Variants in GDA observed in about 807,000 individuals in gnomAD.
GDA encodes the protein cytoplasmic PSD-95 interactor.
GDA carries 18 observed loss-of-function variants against 59.6 expected under a neutral mutation model. That is an observed-to-expected ratio of 0.30 (90% CI 0.21 to 0.45). The LOEUF (loss-of-function observed/expected upper bound fraction) is 0.45, where lower values mean the gene tolerates loss of function less well. GDA is among the 20% of genes least tolerant of loss of function. GDA has a pLI of 1.00. For missense variants in GDA, 427 were observed against 552.3 expected, an observed-to-expected ratio of 0.77 and a Z score of 2.27; for synonymous variants, 201 against 201.1, an observed-to-expected ratio of 1.00 and a Z score of 0.00.
At chr9:72,124,914 A>ATCAG (rs1190795777) in intron 1 of GDA, among the ~76,000 whole-genome samples, 1 of 152,000 alleles carries the variant, frequency 6.6e-6, no homozygotes, top group East Asian at 1.9e-4. Context: ...GGCCCTGGTG[A>ATCAG]TCAGTCTTAT....
chr9:72,168,113 T>G (rs62561976), intron 1 of GDA, among the ~76,000 whole-genome samples: 24,775 of 151,978 alleles, frequency 0.16, 2,586 homozygotes, highest in East Asian at 0.5. Flanking sequence ...AGGAAAAGAT[T>G]GGGCAGGGTG....
At chr9:72,201,054 A>G (rs1199074476) in intron 2 of GDA, among the ~76,000 whole-genome samples, 1 of 152,166 alleles carries the variant, frequency 6.6e-6, no homozygotes, top group Non-Finnish European at 1.5e-5. Context: ...TTACATCATC[A>G]TCATCATCAT....
chr9:72,123,054 T>C (rs762508102), intron 1 of GDA, among the ~76,000 whole-genome samples: 4 of 152,204 alleles, frequency 2.6e-5, no homozygotes, highest in Non-Finnish European at 4.4e-5. Flanking sequence ...GCAGTATTTA[T>C]AAATTTTTTA....
At chr9:72,201,057 A>G (rs768816864) in intron 2 of GDA, among the ~76,000 whole-genome samples, 44 of 152,166 alleles carry the variant, frequency 2.9e-4, no homozygotes, top group Non-Finnish European at 5.3e-4. Context: ...CATCATCATC[A>G]TCATCATCCA....
intron 1 of GDA, 141 bp from the exon 2 acceptor site, chr9:72,195,359 T>A: frequency 5.3e-6 from 1 of 186,982 alleles, no homozygotes; most frequent in Non-Finnish European, 1.0e-5. Context: ...TTTTTTTGCC[T>A]CTAAACTCAA....
chr9:72,140,412 GAA>G (rs952909947), intron 1 of GDA, among the ~76,000 whole-genome samples: 5 of 152,284 alleles, frequency 3.3e-5, no homozygotes, highest in African/African-American at 1.2e-4. Context: ...GGCAGAGAGA[GAA>G]GTTGGGTGCT....
intron 5 of GDA, among the ~76,000 whole-genome samples, chr9:72,215,821 C>T (rs1398257788): frequency 6.6e-6 from 1 of 152,140 alleles, no homozygotes; most frequent in Non-Finnish European, 1.5e-5. Context: ...CAGATAGAAT[C>T]ATAAAAAGTA....
At chr9:72,141,162 C>T (rs1826427830) in intron 1 of GDA, among the ~76,000 whole-genome samples, 1 of 152,036 alleles carries the variant, frequency 6.6e-6, no homozygotes, top group African/African-American at 2.4e-5. Flanking sequence ...ATATGCCATT[C>T]CACAAAGAAT....
chr9:72,171,690 C>G (rs1284498897), intron 1 of GDA, among the ~76,000 whole-genome samples: 1 of 151,890 alleles, frequency 6.6e-6, no homozygotes, highest in African/African-American at 2.4e-5. Flanking sequence ...TCCCCTTTAA[C>G]CTTCATATTC....
chr9:72,213,975 A>T lies in GDA; in HGVS notation c.562A>T (p.Ile188Phe), dbSNP rs1186144996. 1 of 1,593,340 alleles carries T rather than the reference A, an allele frequency of 6.3e-7. No individual in the cohort carries two copies. The highest frequency in any genetic ancestry group is 8.6e-7 in the Non-Finnish European group (1 of 1,161,134). Reference protein sequence around the residue: ...PEYKETTEESIKETERFVSEM... With the variant: ...PEYKETTEESFKETERFVSEM... ...ATACAAGGAGACCACTGAGGAATCGATCAAGGAAACTGAGAGGTAAAAGGC... is the reference window on the plus strand; with the variant it reads ...ATACAAGGAGACCACTGAGGAATCGTTCAAGGAAACTGAGAGGTAAAAGGC... The change falls in exon 5 of 14, where the codon ATC (isoleucine) becomes TTC (phenylalanine). Residue 188 changes from isoleucine to phenylalanine, a missense_variant. Transcript: ENST00000358399.
At chr9:72,219,531 C>T in intron 6 of GDA, 25 bp downstream of exon 6, 2 of 1,569,016 alleles carry the variant, frequency 1.3e-6, no homozygotes, top group Non-Finnish European at 1.7e-6. Context: ...TCAGAGCTCG[C>T]TTTTAGATTG....
chr9:72,142,567 C>A (rs1252511077), intron 1 of GDA, among the ~76,000 whole-genome samples: 1 of 149,164 alleles, frequency 6.7e-6, no homozygotes, highest in Non-Finnish European at 1.5e-5. Flanking sequence ...AGCAAGACTC[C>A]ATCTCAAAAA....
intron 1 of GDA, among the ~76,000 whole-genome samples, chr9:72,137,238 T>C (rs1826263096): frequency 8.8e-6 from 1 of 113,958 alleles, no homozygotes; most frequent in Admixed American, 1.0e-4. Flanking sequence ...CCTTTTCTTT[T>C]TTTCTTTTTT....
Position 72,223,134 on chromosome 9 carries a change from G to GC in GDA, c.624dup (p.Ile209HisfsTer12). 1.3e-6 allele frequency: 2 copies of GC among 1,585,926 alleles called. No individual in the cohort carries two copies. The highest frequency in any genetic ancestry group is 1.7e-6 in the Non-Finnish European group (2 of 1,154,502). On this transcript the variant is annotated frameshift_variant, in exon 7 of 14. Transcript: ENST00000358399. LOFTEE classifies it high-confidence loss of function. ...ATTATCTCCAGTATTCTAGAGTGAA[G>GC]CCCATAGTGACACCACGTTTTTCCC...
upstream of GDA, chr9:72,149,439 C>A: frequency 1.7e-6 from 2 of 1,204,904 alleles, no homozygotes; most frequent in Non-Finnish European, 2.3e-6. Flanking sequence ...TAAGCGGGGG[C>A]AGGACAAGGC....
chr9:72,207,927 T>C (rs1207496157), intron 3 of GDA, among the ~76,000 whole-genome samples: 1 of 151,744 alleles, frequency 6.6e-6, no homozygotes, highest in African/African-American at 2.4e-5. Flanking sequence ...CTGGGCAACA[T>C]AGCAAGGGCT....
In GDA at chr9:72,160,783, C is replaced by T. The variant is rs1402923245; in HGVS notation, c.123+11101C>T. 3.3e-5 allele frequency among the ~76,000 whole-genome samples: 5 copies of T among 152,216 alleles called. No individual in the cohort carries two copies. The East Asian group carries it at 9.6e-4, about 29-fold the overall frequency. On this transcript the variant is annotated intron_variant, in intron 1 of 13. Coordinates refer to ENST00000358399, the MANE Select transcript of GDA (RefSeq NM_004293.5). ...ACCGTGTGATAAACCCAGGCCTGGC[C>T]TTGCTGACTGTTTGCCCAACCTTCC...
chr9:72,131,648 GACACACAC>G (rs146874035), intron 1 of GDA, among the ~76,000 whole-genome samples: 1 of 150,972 alleles, frequency 6.6e-6, no homozygotes, highest in African/African-American at 2.4e-5. Context: ...CACGTGCACA[GACACACAC>G]ACACACAAAC....
At chr9:72,247,540 A>T in intron 13 of GDA, 107 bp downstream of exon 13, 1 of 665,472 alleles carries the variant, frequency 1.5e-6, no homozygotes, top group East Asian at 2.7e-5. Context: ...AACTCTGTGG[A>T]TGATAATTTG....
Sources: gnomAD v4.1 joint callset for allele counts (sites outside exome capture counted in the v4.1 genomes callset) on GRCh38, gnomAD v4.1.1 for gene constraint, MANE v1.5 for transcripts, NCBI Gene and HGNC (gene_info 2026-07-23, HGNC 2026-07-21) for gene names.